Variants in TRAF3IP2 observed in about 807,000 individuals in gnomAD.
TRAF3IP2 encodes the protein TRAF3 interacting protein 2, also known as E3 ubiquitin ligase TRAF3IP2.
TRAF3IP2 carries 35 observed loss-of-function variants against 57.9 expected under a neutral mutation model. That is an observed-to-expected ratio of 0.60 (90% CI 0.46 to 0.80). The LOEUF (loss-of-function observed/expected upper bound fraction) is 0.80, where lower values mean the gene tolerates loss of function less well. Ranked by LOEUF, TRAF3IP2 falls within the 30% of genes least tolerant of loss-of-function variation. The pLI is 0.00. For synonymous variants in TRAF3IP2, 251 were observed against 268.9 expected (o/e 0.93, Z 0.65); for missense variants, 556 against 706.4 (o/e 0.79, Z 2.41).
At chr6:111,572,762 T>C (rs1185102166) in intron 5 of TRAF3IP2, 133 bp downstream of exon 5, 40 of 723,078 alleles carry the variant, frequency 5.5e-5, no homozygotes, top group Non-Finnish European at 8.9e-5. Context: ...TCTATAAGCA[T>C]TCAATGCATA....
intron 5 of TRAF3IP2, 138 bp downstream of exon 5, chr6:111,572,757 A>G: frequency 2.8e-6 from 2 of 703,300 alleles, no homozygotes; most frequent in Non-Finnish European, 4.8e-6. Context: ...CTAAATCTAT[A>G]AGCATTCAAT....
At chr6:111,605,318 T>A (rs1428151422) in intron 1 of TRAF3IP2, among the ~76,000 whole-genome samples, 3 of 152,144 alleles carry the variant, frequency 2.0e-5, no homozygotes, top group Non-Finnish European at 4.4e-5. Context: ...TGCTGTTGAT[T>A]TTTTTCCCCC....
chr6:111,578,502 G>T (rs1449522973), intron 3 of TRAF3IP2, among the ~76,000 whole-genome samples: 3 of 152,192 alleles, frequency 2.0e-5, no homozygotes, highest in Non-Finnish European at 4.4e-5. Context: ...TTAGCTGGGT[G>T]TGGTAGCGGG....
At chr6:111,582,551 A>G (rs1383498588) in intron 2 of TRAF3IP2, among the ~76,000 whole-genome samples, 1 of 152,136 alleles carries the variant, frequency 6.6e-6, no homozygotes, top group Non-Finnish European at 1.5e-5. Flanking sequence ...CAGCCTTCTC[A>G]GGGCAGGGCG....
intron 8 of TRAF3IP2, among the ~76,000 whole-genome samples, chr6:111,561,394 C>G (rs1795436842): frequency 6.6e-6 from 1 of 151,014 alleles, no homozygotes; most frequent in African/African-American, 2.4e-5. Context: ...GAGCCGAGAT[C>G]ACACCACTAC....
At position 111,559,258 on chromosome 6, in the gene TRAF3IP2, A is replaced by G; in HGVS notation, c.*147T>C. ...GGAGGTCTCCGGGGAAGAGCTCTGC[A>G]CAACAGGTTTCCTGGGGGCCAGAGG... is the stretch of plus-strand genomic sequence containing the variant. On this transcript the variant is annotated 3_prime_UTR_variant, in exon 9 of 9. Transcript: ENST00000368761. 8.0e-6 allele frequency: 9 copies of G among 1,120,234 alleles called. No homozygotes were observed. Among genetic ancestry groups the G allele is most frequent in the Non-Finnish European group, 1.1e-5 (9 of 789,838 alleles). 69.4% of individuals were successfully genotyped at this position (1,120,234 alleles called of 1,614,324 possible). A position where few individuals can be genotyped will look rare whatever the true frequency, so the allele number is the denominator to read the frequency against.
At chr6:111,581,764 G>A in intron 2 of TRAF3IP2, among the ~76,000 whole-genome samples, 1 of 152,146 alleles carries the variant, frequency 6.6e-6, no homozygotes, top group Non-Finnish European at 1.5e-5. Flanking sequence ...GATCACCTGA[G>A]TTCAGGAGTT....
chr6:111,567,804 C>A, intron 5 of TRAF3IP2, 112 bp from the exon 6 acceptor site: 1 of 783,194 alleles, frequency 1.3e-6, no homozygotes, highest in South Asian at 3.1e-5. Flanking sequence ...TTAACTAATG[C>A]TTTTTGCAAG....
chr6:111,591,519 G>C lies in TRAF3IP2; in HGVS notation c.568C>G (p.Leu190Val), dbSNP rs769245628. The C allele has an allele frequency of 3.7e-6, 6 of 1,613,984 alleles. No homozygotes were observed. The highest frequency in any genetic ancestry group is 5.1e-6 in the Non-Finnish European group (6 of 1,179,852). ...RPQPHRNRAGLDLPTIDTGYD... is the reference protein window; with the variant it reads ...RPQPHRNRAGVDLPTIDTGYD... ...CCCGTGTCTATGGTTGGCAGATCCA[G>C]GCCTGCTCGGTTCCTGTGAGGCTGG... Residue 190 changes from leucine to valine, a missense_variant, in exon 2 of 9, where the codon CTG becomes GTG. By Grantham distance (32) the Leu-to-Val change is conservative. Transcript: ENST00000368761. The surrounding 1 kb of genome is among the most constrained non-coding windows in gnomAD (Gnocchi z 4.9).
Position 111,555,643 on chromosome 6 carries a change from G to A in TRAF3IP2, c.*3762C>T, listed in dbSNP as rs537939206. 6.6e-5 allele frequency among the ~76,000 whole-genome samples: 10 copies of A among 152,152 alleles called. No homozygotes were observed. Among genetic ancestry groups the A allele is most frequent in the African/African-American group, 1.9e-4 (8 of 41,506 alleles). On this transcript the variant is annotated 3_prime_UTR_variant, in exon 9 of 9. Coordinates refer to ENST00000368761, the MANE Select transcript of TRAF3IP2 (RefSeq NM_147686.4). ...ATTCCACAAACCCACCCCTCAAATC[G>A]GTGTAAGTCTGAATAAAGCCTTTGG...
intron 1 of TRAF3IP2, among the ~76,000 whole-genome samples, chr6:111,599,260 T>C (rs1796786860): frequency 6.6e-6 from 1 of 152,120 alleles, no homozygotes; most frequent in African/African-American, 2.4e-5. Flanking sequence ...CTGTGAGCTG[T>C]GGTTCTAGCT....
At chr6:111,576,823 ATGT>A (rs1796006041) in intron 3 of TRAF3IP2, 1 of 152,200 alleles carries the variant, frequency 6.6e-6, no homozygotes, top group Non-Finnish European at 1.5e-5. Flanking sequence ...GGGAACATGG[ATGT>A]TGTTATTTGT....
In TRAF3IP2 at chr6:111,557,927, G is replaced by A. The variant is rs145220678; in HGVS notation, c.*1478C>T. The stretch of plus-strand genomic sequence containing the variant: ...TCTAGCTACTTGGGAGGTTGAGGCA[G>A]AAGAATCACTTGAACCCAGGAGGCG... On this transcript the variant is annotated 3_prime_UTR_variant, in exon 9 of 9. Transcript: ENST00000368761. The A allele has an allele frequency of 0.057, 8,722 of 152,046 alleles. 263 individuals are homozygous for A. Among genetic ancestry groups the A allele is most frequent in the Middle Eastern group, 0.065 (19 of 292 alleles). 9.4% of individuals were successfully genotyped at this position (152,046 alleles called of 1,614,324 possible). A position where few individuals can be genotyped will look rare whatever the true frequency, so the allele number is the denominator to read the frequency against.
chr6:111,566,631 C>G lies in TRAF3IP2; in HGVS notation c.1360-71G>C, dbSNP rs1435710005. The stretch of plus-strand genomic sequence containing the variant: ...AGGACTGTGGGCATTCTCTGACACA[C>G]GGGGTGGAGGGCCAGGCTCATTCTC... On this transcript the variant is annotated intron_variant, in intron 6 of 8. Coordinates refer to ENST00000368761, the MANE Select transcript of TRAF3IP2 (RefSeq NM_147686.4). The G allele has an allele frequency of 6.0e-6, 8 of 1,334,558 alleles. No homozygotes were observed. The South Asian group carries it at 7.0e-5, about 12-fold the overall frequency. 82.7% of individuals were successfully genotyped at this position (1,334,558 alleles called of 1,614,324 possible).
At chr6:111,600,235 G>C (rs766691858) in intron 1 of TRAF3IP2, 1 of 152,186 alleles carries the variant, frequency 6.6e-6, no homozygotes, top group Admixed American at 6.5e-5. Flanking sequence ...TTTAAAAACA[G>C]TATTCCCTGG....
rs1795960399 is a variant in TRAF3IP2 at position 111,575,641 on chromosome 6, AC to A, written c.1201+1del. 6.2e-7 allele frequency: 1 copy of A among 1,610,570 alleles called. No homozygotes were observed. Among genetic ancestry groups the A allele is most frequent in the African/African-American group, 1.3e-5 (1 of 74,608 alleles). The stretch of plus-strand genomic sequence containing the variant: ...GAGAGAACAATGTTGCAAACAACTT[AC>A]GCAATTCTTCTGGCAAATTGCTTGT... On this transcript the variant is annotated splice_donor_variant, in intron 4 of 8. Transcript: ENST00000368761. LOFTEE classifies it high-confidence loss of function.
chr6:111,560,575 G>T (rs138706744), intron 8 of TRAF3IP2, among the ~76,000 whole-genome samples: 1 of 152,320 alleles, frequency 6.6e-6, no homozygotes, highest in Non-Finnish European at 1.5e-5. Flanking sequence ...AGGACGCAGG[G>T]ACTGCCTTGA....
intron 1 of TRAF3IP2, among the ~76,000 whole-genome samples, chr6:111,596,961 C>G (rs779668150): frequency 6.6e-6 from 1 of 152,184 alleles, no homozygotes; most frequent in Admixed American, 6.5e-5. Flanking sequence ...CTGCACCTGG[C>G]ACATAGTAGG....
intron 2 of TRAF3IP2, among the ~76,000 whole-genome samples, chr6:111,586,623 A>G (rs1583235424): frequency 6.6e-6 from 1 of 152,086 alleles, no homozygotes; most frequent in Middle Eastern, 3.4e-3. Flanking sequence ...CATGGTGATC[A>G]TTATTTATTT....
Sources: gnomAD v4.1 joint callset for allele counts (sites outside exome capture counted in the v4.1 genomes callset) on GRCh38, gnomAD v4.1.1 for gene constraint, Gnocchi (gnomAD v3.1) non-coding constraint, MANE v1.5 for transcripts, NCBI Gene and HGNC (gene_info 2026-07-23, HGNC 2026-07-21) for gene names.